The following SMG1 variants were observed in gnomAD, a reference collection of about 807,000 sequenced individuals.
SMG1 encodes SMG1 nonsense mediated mRNA decay associated PI3K related kinase.
SMG1 carries 22 observed loss-of-function variants against 419.9 expected under a neutral mutation model. The ratio of observed to expected loss-of-function variants is 0.05; its 90% confidence interval spans 0.04 to 0.07. The LOEUF is 0.07. Ranked by LOEUF, SMG1 falls within the 10% of genes least tolerant of loss-of-function variation. The probability of loss-of-function intolerance (pLI) is 1.00; values close to 1 mark genes in which losing one functional copy is unlikely to be tolerated. For synonymous variants in SMG1, 1,538 were observed against 1,553.5 expected, an observed-to-expected ratio of 0.99 and a Z score of 0.23; for missense variants, 3,185 against 4,342.0, an observed-to-expected ratio of 0.73 and a Z score of 7.49.
intron 38 of SMG1, among the ~76,000 whole-genome samples, chr16:18,846,835 G>A (rs969773387): frequency 6.6e-6 from 1 of 152,180 alleles, no homozygotes; most frequent in Non-Finnish European, 1.5e-5. Flanking sequence ...GTCAGACGTA[G>A]AATTGCCATA....
chr16:18,832,813 GA>G (rs2033293668), intron 51 of SMG1, 126 bp downstream of exon 51: 11 of 782,574 alleles, frequency 1.4e-5, no homozygotes, highest in Non-Finnish European at 2.1e-5. Flanking sequence ...ATACGTGTAT[GA>G]GCATTTATAA....
chr16:18,834,824 G>C, intron 49 of SMG1, 68 bp downstream of exon 49: 1 of 1,511,684 alleles, frequency 6.6e-7, no homozygotes, highest in Admixed American at 1.8e-5. Flanking sequence ...GAAAGTAAAA[G>C]AACATTTTAG....
At position 18,838,242 on chromosome 16, in the gene SMG1, G is replaced by T. The variant is rs2033702179; in HGVS notation, c.7195-10C>A. ...GCATAATGTGTAAAACCTGTTTTCA[G>T]GAGAGTTTTTAAAATAAGGTCTGCC... On this transcript the variant is annotated splice_polypyrimidine_tract_variant and intron_variant, in intron 44 of 62. Coordinates refer to ENST00000446231, the MANE Select transcript of SMG1 (RefSeq NM_015092.5). 6.2e-7 allele frequency: 1 copy of T among 1,609,174 alleles called. No individual in the cohort carries two copies. The highest frequency in any genetic ancestry group is 1.3e-5 in the African/African-American group (1 of 74,978).
In SMG1 at chr16:18,848,003, A is replaced by T; in HGVS notation, c.5654T>A (p.Leu1885Ter). ...TTCTTCTCCTTGAATATTGCCAAGT[A>T]AAGTTGGAATTGCAGTGGAAAATTT... ...GNKFSTAIPT[L>*]LGNIQGEELL... The change falls in exon 37 of 63, where the codon TTA becomes TAA. Residue 1885 changes from leucine (L) to a stop codon, truncating the protein, a stop_gained. Transcript: ENST00000446231. LOFTEE classifies it high-confidence loss of function. 6.2e-7 allele frequency: 1 copy of T among 1,613,932 alleles called. No homozygotes were observed. The highest frequency in any genetic ancestry group is 2.2e-5 in the East Asian group (1 of 44,862).
At chr16:18,844,579 C>CACACACACACACAG (rs2034146099) in intron 39 of SMG1, among the ~76,000 whole-genome samples, 2 of 149,776 alleles carry the variant, frequency 1.3e-5, no homozygotes, top group Non-Finnish European at 3.0e-5. Context: ...CTCACACACA[C>CACACACACACACAG]ACACGGAAAC....
Position 18,872,174 on chromosome 16 carries a change from T to C in SMG1, c.2183+10A>G, listed in dbSNP as rs2035858017. The C allele has an allele frequency of 1.4e-6, 2 of 1,398,090 alleles. No individual in the cohort carries two copies. The highest frequency in any genetic ancestry group is 2.5e-5 in the South Asian group (2 of 78,692). 86.6% of individuals were successfully genotyped at this position (1,398,090 alleles called of 1,614,324 possible). The stretch of plus-strand genomic sequence containing the variant: ...GTTAGGAATAGTTAATACTATATAA[T>C]ATCTGTTACCTCGTGTCCTGGTTAA... On this transcript the variant is annotated intron_variant, in intron 15 of 62. Transcript: ENST00000446231.
rs1256531583 is a variant in SMG1, at chr16:18,854,917, A to C, written c.4235-13T>G. 1.9e-6 allele frequency: 3 copies of C among 1,607,564 alleles called. No individual in the cohort carries two copies. In the East Asian group the frequency reaches 6.7e-5, roughly 36 times the overall value. On this transcript the variant is annotated splice_polypyrimidine_tract_variant and intron_variant, in intron 29 of 62. Coordinates refer to ENST00000446231, the MANE Select transcript of SMG1 (RefSeq NM_015092.5). ...GGGACTGTTTGTTCTGAAGAGAGGAAAACGTTTTATTAGTTCCTAATTTGT... is the reference window on the plus strand; with the variant it reads ...GGGACTGTTTGTTCTGAAGAGAGGACAACGTTTTATTAGTTCCTAATTTGT...
Position 18,858,280 on chromosome 16 carries a change from A to T in SMG1, c.4124T>A (p.Ile1375Asn). 1.3e-6 allele frequency: 2 copies of T among 1,592,476 alleles called. No homozygotes were observed. The highest frequency in any genetic ancestry group is 1.7e-6 in the Non-Finnish European group (2 of 1,174,116). Residue 1375 changes from isoleucine (I) to asparagine (N), a missense_variant, in exon 29 of 63, where the codon ATT becomes AAT. By Grantham distance (149) the Ile-to-Asn change is moderately radical (BLOSUM62 -3). Around this residue, in one of 27 missense-constraint regions of SMG1, gnomAD observed 493 missense variants for 552.9 expected, o/e 0.89. Coordinates refer to ENST00000446231, the MANE Select transcript of SMG1 (RefSeq NM_015092.5). The stretch of plus-strand genomic sequence containing the variant: ...ACGTAAAGCTTCACTGAAGAGTGGA[A>T]TAAGACAGTCCTGCCAGAGAAAAAC... ...SNRLSTEDCLIPLFSEALRSC... is the reference protein window; with the variant it reads ...SNRLSTEDCLNPLFSEALRSC...
intron 12 of SMG1, among the ~76,000 whole-genome samples, chr16:18,876,700 CAT>C (rs1397428202): frequency 6.3e-5 from 9 of 143,858 alleles, no homozygotes; most frequent in African/African-American, 2.4e-4. Context: ...CATCAGAAGA[CAT>C]ATGCAAACAG....
intron 6 of SMG1, among the ~76,000 whole-genome samples, chr16:18,887,898 G>C (rs1238745913): frequency 6.6e-6 from 1 of 150,608 alleles, no homozygotes; most frequent in Non-Finnish European, 1.5e-5. Flanking sequence ...AGGTGTGGTG[G>C]CTCATGACAG....
intron 31 of SMG1, among the ~76,000 whole-genome samples, chr16:18,853,343 T>C (rs2034704340): frequency 6.6e-6 from 1 of 152,186 alleles, no homozygotes; most frequent in African/African-American, 2.4e-5. Flanking sequence ...GGCAGGATCT[T>C]ATTGCCAGCA....
In SMG1 at chr16:18,913,580, G is replaced by A. The variant is rs559947835; in HGVS notation, c.92+12370C>T. Reference sequence around the variant, plus strand: ...TATGTAATCCAAGACATATTCATTAGTGGAGCCTTTTTTCTAGGCTATTAA... The same window carrying A: ...TATGTAATCCAAGACATATTCATTAATGGAGCCTTTTTTCTAGGCTATTAA... On this transcript the variant is annotated intron_variant, in intron 1 of 62. Transcript: ENST00000446231. Among the ~76,000 whole-genome samples the A allele has an allele frequency of 4.6e-5, 7 of 152,034 alleles. No homozygotes were observed. The East Asian group carries it at 1.2e-3, about 25-fold the overall frequency.
At chr16:18,818,736 A>G (rs2032243017) in intron 56 of SMG1, among the ~76,000 whole-genome samples, 1 of 149,542 alleles carries the variant, frequency 6.7e-6, no homozygotes, top group African/African-American at 2.4e-5. Context: ...CCAATTTTGT[A>G]CTTAGTTGAA....
intron 58 of SMG1, 90 bp downstream of exon 58, chr16:18,816,212 C>T: frequency 9.9e-7 from 1 of 1,013,496 alleles, no homozygotes; most frequent in South Asian, 1.7e-5. Flanking sequence ...TTGTTATTTA[C>T]AAAATGTCAC....
chr16:18,878,650 G>A (rs935439716), intron 11 of SMG1: 2 of 151,938 alleles, frequency 1.3e-5, no homozygotes, highest in Non-Finnish European at 2.9e-5. Flanking sequence ...GAAAGAATCT[G>A]GTGCATAGAG....
intron 16 of SMG1, 47 bp from the exon 17 acceptor site, chr16:18,870,935 T>G: frequency 1.2e-6 from 1 of 861,444 alleles, no homozygotes; most frequent in Non-Finnish European, 1.9e-6. Flanking sequence ...CAAAAGAAAT[T>G]ATATCCCAGT....
chr16:18,891,835 C>T (rs1370216862), intron 4 of SMG1, among the ~76,000 whole-genome samples: 1 of 152,214 alleles, frequency 6.6e-6, no homozygotes, highest in African/African-American at 2.4e-5. Flanking sequence ...CAAGGACTCC[C>T]TCTGTCGCCC....
intron 1 of SMG1, among the ~76,000 whole-genome samples, chr16:18,899,356 G>T (rs12444081): frequency 0.33 from 50,281 of 151,634 alleles, 8,728 homozygotes; most frequent in Non-Finnish European, 0.39. Flanking sequence ...AAAAAAATTT[G>T]TGTTTTCAGA....
intron 51 of SMG1, among the ~76,000 whole-genome samples, chr16:18,830,841 A>G (rs1338183954): frequency 6.6e-6 from 1 of 152,208 alleles, no homozygotes; most frequent in African/African-American, 2.4e-5. Context: ...TTTCATGTCA[A>G]CCACAATAGG....
Sources: allele counts gnomAD v4.1 joint callset (sites outside exome capture counted in the v4.1 genomes callset), GRCh38; gene constraint gnomAD v4.1.1; regional missense constraint gnomAD v4.1.1; transcripts MANE v1.5; gene names NCBI Gene and HGNC (gene_info 2026-07-23, HGNC 2026-07-21).